KCNMA1: variants seen among roughly 807,000 people sequenced by gnomAD.
KCNMA1 encodes the protein potassium calcium-activated channel subfamily M alpha 1.
Under a neutral mutation model 140.0 loss-of-function variants are expected in KCNMA1, and 29 were observed. The ratio of observed to expected loss-of-function variants is 0.21; its 90% CI spans 0.15 to 0.28. The LOEUF (loss-of-function observed/expected upper bound fraction) is 0.28, where lower values mean the gene tolerates loss of function less well. KCNMA1 is among the 10% of genes least tolerant of loss of function. The pLI is 1.00. For missense variants in KCNMA1, 880 were observed against 1,602.2 expected, an observed-to-expected ratio of 0.55 and a Z score of 7.70; for synonymous variants, 612 against 611.9, an observed-to-expected ratio of 1.00 and a Z score of 0.00.
intron 9 of KCNMA1, among the ~76,000 whole-genome samples, chr10:77,104,631 G>T (rs370722184): frequency 6.6e-6 from 1 of 152,224 alleles, no homozygotes; most frequent in African/African-American, 2.4e-5. Context: ...GAAACACAAG[G>T]TCTGGGTGGC....
chr10:77,170,399 G>T (rs1294129932), intron 5 of KCNMA1, among the ~76,000 whole-genome samples: 1 of 152,064 alleles, frequency 6.6e-6, no homozygotes, highest in Non-Finnish European at 1.5e-5. Flanking sequence ...TTCCCTCGAG[G>T]AGCGGGCTGA....
At chr10:77,282,587 G>C (rs1465935494) in intron 2 of KCNMA1, among the ~76,000 whole-genome samples, 2 of 152,140 alleles carry the variant, frequency 1.3e-5, no homozygotes, top group Admixed American at 1.3e-4. Flanking sequence ...TGTTGACTAG[G>C]TGACATCAAG....
At position 77,285,664 on chromosome 10, in the gene KCNMA1, T is replaced by C. The variant is rs545647873; in HGVS notation, c.541-34408A>G. Among the ~76,000 whole-genome samples, 92 of 131,770 alleles carry C rather than the reference T, an allele frequency of 7.0e-4. 1 individual carries two copies. The highest frequency in any genetic ancestry group is 1.2e-3 in the Non-Finnish European group (72 of 62,596). 86.4% of individuals were successfully genotyped at this position (131,770 alleles called of 152,430 possible). ...ATGACTGGAATTTTCTCTGATTAGA[T>C]TTCTCTGGGGCTGTTACTGGGTGTT... On this transcript the variant is annotated intron_variant, in intron 2 of 27. Transcript: ENST00000286628.
At chr10:77,439,019 C>T in intron 1 of KCNMA1, among the ~76,000 whole-genome samples, 1 of 147,120 alleles carries the variant, frequency 6.8e-6, no homozygotes, top group South Asian at 2.2e-4. Context: ...GAGGCCGAGC[C>T]CAGATCATGC....
intron 3 of KCNMA1, among the ~76,000 whole-genome samples, chr10:77,230,203 A>G (rs2053115314): frequency 6.6e-6 from 1 of 152,250 alleles, no homozygotes; most frequent in African/African-American, 2.4e-5. Flanking sequence ...GGTCGCAAAT[A>G]TATGATTCCA....
At chr10:77,361,142 G>A (rs1057366915) in intron 2 of KCNMA1, among the ~76,000 whole-genome samples, 8 of 152,172 alleles carry the variant, frequency 5.3e-5, no homozygotes, top group Non-Finnish European at 7.3e-5. Context: ...CTTGTCTTGC[G>A]GGGATGTTGT....
chr10:77,513,526 C>T lies in KCNMA1; in HGVS notation c.379-109503G>A, dbSNP rs142718603. The stretch of plus-strand genomic sequence containing the variant: ...GGATAATGTATGTGAAAGAGCTTTG[C>T]AAACTGTAAAGTGCTGCATAAATGT... On this transcript the variant is annotated intron_variant, in intron 1 of 27. Transcript: ENST00000286628. Among the ~76,000 whole-genome samples, 14 of 152,228 alleles carry T rather than the reference C, an allele frequency of 9.2e-5. No homozygotes were observed. The East Asian group carries it at 2.7e-3, about 29-fold the overall frequency.
chr10:77,458,993 G>A (rs1261220797), intron 1 of KCNMA1, among the ~76,000 whole-genome samples: 1 of 152,302 alleles, frequency 6.6e-6, no homozygotes, highest in South Asian at 2.1e-4. Flanking sequence ...ATGCCTCAGA[G>A]CTGTGTCATC....
intron 1 of KCNMA1, among the ~76,000 whole-genome samples, chr10:77,473,261 C>T (rs1452524485): frequency 6.6e-6 from 1 of 152,202 alleles, no homozygotes; most frequent in Non-Finnish European, 1.5e-5. Context: ...TACAGCTATC[C>T]CCAGGAGGCA....
chr10:77,609,172 T>C (rs991525177), intron 1 of KCNMA1, among the ~76,000 whole-genome samples: 3 of 152,210 alleles, frequency 2.0e-5, no homozygotes, highest in Non-Finnish European at 4.4e-5. Context: ...TTATTCACAA[T>C]AGCCAAGAAA....
intron 1 of KCNMA1, among the ~76,000 whole-genome samples, chr10:77,582,994 G>A (rs901918373): frequency 6.6e-6 from 1 of 152,242 alleles, no homozygotes; most frequent in Non-Finnish European, 1.5e-5. Context: ...GATTACGAGA[G>A]CATCTCCCTC....
intron 1 of KCNMA1, among the ~76,000 whole-genome samples, chr10:77,430,832 G>A (rs2097138266): frequency 6.6e-6 from 1 of 152,216 alleles, no homozygotes; most frequent in Non-Finnish European, 1.5e-5. Flanking sequence ...CGAGCACAGA[G>A]TGGGCCTCCA....
At chr10:77,509,420 A>T (rs1188200121) in intron 1 of KCNMA1, among the ~76,000 whole-genome samples, 1 of 150,948 alleles carries the variant, frequency 6.6e-6, no homozygotes, top group Non-Finnish European at 1.5e-5. Context: ...GCCCGGCCCT[A>T]CCTCTTGGTT....
At chr10:77,540,717 A>G (rs2154554893) in intron 1 of KCNMA1, among the ~76,000 whole-genome samples, 1 of 152,314 alleles carries the variant, frequency 6.6e-6, no homozygotes, top group Non-Finnish European at 1.5e-5. Context: ...TCACTAGGAG[A>G]AGGCTGGGCA....
At chr10:77,564,879 G>A (rs1440029910) in intron 1 of KCNMA1, among the ~76,000 whole-genome samples, 1 of 152,188 alleles carries the variant, frequency 6.6e-6, no homozygotes, top group Non-Finnish European at 1.5e-5. Context: ...ACAAAGGGAG[G>A]TAAAAGGAGT....
intron 2 of KCNMA1, among the ~76,000 whole-genome samples, chr10:77,362,957 T>C (rs1446882091): frequency 6.6e-6 from 1 of 152,194 alleles, no homozygotes; most frequent in Non-Finnish European, 1.5e-5. Flanking sequence ...CATGATATAA[T>C]AGGAGAGATG....
intron 13 of KCNMA1, chr10:77,077,931 A>G (rs1429586775): frequency 1.3e-5 from 2 of 152,224 alleles, no homozygotes; most frequent in Non-Finnish European, 2.9e-5. Context: ...GCTGGAGAAC[A>G]ACACGTTCTG....
intron 2 of KCNMA1, among the ~76,000 whole-genome samples, chr10:77,390,328 A>T (rs1305371012): frequency 6.6e-6 from 1 of 152,210 alleles, no homozygotes; most frequent in South Asian, 2.1e-4. Flanking sequence ...TCCAGAATTG[A>T]TCTCAAACAC....
intron 1 of KCNMA1, among the ~76,000 whole-genome samples, chr10:77,549,056 G>C (rs771756847): frequency 3.3e-5 from 5 of 152,220 alleles, no homozygotes; most frequent in Admixed American, 6.5e-5. Flanking sequence ...ACACTGAGCA[G>C]ACCTGCTGGG....
Sources: gnomAD v4.1 joint callset for allele counts (sites outside exome capture counted in the v4.1 genomes callset) on GRCh38, gnomAD v4.1.1 for gene constraint, MANE v1.5 for transcripts, NCBI Gene and HGNC (gene_info 2026-07-23, HGNC 2026-07-21) for gene names.